BRCC3: variants seen among roughly 807,000 people sequenced by gnomAD.
BRCC3 encodes BRCA1/BRCA2-containing complex subunit 3.
In BRCC3, 15 loss-of-function variants were observed where a neutral mutation model predicts 28.0. The ratio of observed to expected loss-of-function variants is 0.54; its 90% CI spans 0.36 to 0.82. BRCC3 has a LOEUF of 0.82. Ranked by LOEUF, BRCC3 falls within the 40% of genes least tolerant of loss-of-function variation. The pLI is 0.01. For missense variants in BRCC3, 109 were observed against 225.9 expected (o/e 0.48, Z 3.32); for synonymous variants, 66 against 80.3 (o/e 0.82, Z 0.95).
chrX:155,103,657 A>G (rs1488689383), intron 7 of BRCC3, among the ~76,000 whole-genome samples: 2 of 111,263 alleles, frequency 1.8e-5, no homozygotes, highest in African/African-American at 3.3e-5. Flanking sequence ...GGTTTCATTG[A>G]GCTGCTTGGA....
At chrX:155,108,839 T>C (rs1162284471) in intron 7 of BRCC3, among the ~76,000 whole-genome samples, 1 of 112,084 alleles carries the variant, frequency 8.9e-6, no homozygotes, top group Non-Finnish European at 1.9e-5. Flanking sequence ...AATGGTATCA[T>C]TTGATGAGCC....
chrX:155,087,052 A>G (rs782405618), intron 5 of BRCC3, among the ~76,000 whole-genome samples: 47 of 111,589 alleles, frequency 4.2e-4, no homozygotes, highest in Non-Finnish European at 7.2e-4. Context: ...GTGGATGCTG[A>G]GGGGCAAGGG....
At chrX:155,107,607 C>T (rs2074293530) in intron 7 of BRCC3, among the ~76,000 whole-genome samples, 1 of 111,448 alleles carries the variant, frequency 9.0e-6, no homozygotes, top group Non-Finnish European at 1.9e-5. Flanking sequence ...TAATTCTCAA[C>T]CCCCAATACC....
intron 7 of BRCC3, among the ~76,000 whole-genome samples, chrX:155,103,710 T>C (rs1339233327): frequency 1.8e-5 from 2 of 111,730 alleles, no homozygotes; most frequent in African/African-American, 6.5e-5. Context: ...TTACAAAAAC[T>C]TCAGACATTA....
At position 155,100,832 on chromosome X, in the gene BRCC3, G is replaced by A. The variant is rs1361166358; in HGVS notation, c.548+9993G>A. 7.2e-5 allele frequency among the ~76,000 whole-genome samples: 8 copies of A among 111,705 alleles called. No individual in the cohort carries two copies. The Admixed American group carries it at 7.6e-4, about 11-fold the overall frequency. ...GATCAAAAATATTTGGAAAAAAACT[G>A]CATACAGGGTGAACATGTACAGACT... On this transcript the variant is annotated intron_variant, in intron 7 of 10. Coordinates refer to ENST00000330045, the MANE Select transcript of BRCC3 (RefSeq NM_001018055.3).
At chrX:155,111,995 A>G (rs782392900) in intron 7 of BRCC3, among the ~76,000 whole-genome samples, 1 of 111,961 alleles carries the variant, frequency 8.9e-6, no homozygotes, top group South Asian at 3.7e-4. Context: ...TAAATTAGGC[A>G]CAGTATGAGA....
intron 5 of BRCC3, among the ~76,000 whole-genome samples, chrX:155,085,664 ATGGT>A (rs1395411138): frequency 8.9e-6 from 1 of 112,464 alleles, no homozygotes; most frequent in Non-Finnish European, 1.9e-5. Context: ...TGAAACATAC[ATGGT>A]TTCCTGTTGC....
In BRCC3 at chrX:155,116,398, A is replaced by G. The variant is rs782076875; in HGVS notation, c.680+210A>G. Among the ~76,000 whole-genome samples the G allele has an allele frequency of 7.1e-5, 8 of 112,010 alleles. No homozygotes were observed. In the East Asian group the frequency reaches 2.2e-3, roughly 31 times the overall value. On this transcript the variant is annotated intron_variant, in intron 8 of 10. Transcript: ENST00000330045. Reference sequence around the variant, plus strand: ...TTTCTCCTGCTACTTTGGATCTTTCAAGGGCAAGGATGCTTTCTTTTTTGG... The same window carrying G: ...TTTCTCCTGCTACTTTGGATCTTTCGAGGGCAAGGATGCTTTCTTTTTTGG...
At chrX:155,106,006 CAT>C (rs2074281974) in intron 7 of BRCC3, among the ~76,000 whole-genome samples, 1 of 112,406 alleles carries the variant, frequency 8.9e-6, no homozygotes, top group African/African-American at 3.2e-5. Flanking sequence ...ACTATTCTTA[CAT>C]GTTTGGTTTT....
At chrX:155,081,355 G>A (rs2074084344) in intron 5 of BRCC3, among the ~76,000 whole-genome samples, 1 of 106,270 alleles carries the variant, frequency 9.4e-6, no homozygotes, top group Admixed American at 1.0e-4. Flanking sequence ...AAAAAGTACA[G>A]TAATGAAACT....
intron 1 of BRCC3, among the ~76,000 whole-genome samples, chrX:155,071,993 T>TA (rs1395445519): frequency 8.9e-6 from 1 of 111,959 alleles, no homozygotes; most frequent in Non-Finnish European, 1.9e-5. Context: ...GTCCGGGTAT[T>TA]ACGACGCAGC....
rs1454480583 is a variant in BRCC3 at position 155,121,216 on chromosome X, C to T, written c.*19-7C>T. 9.0e-6 allele frequency: 1 copy of T among 111,539 alleles called. No homozygotes were observed. The highest frequency in any genetic ancestry group is 3.3e-5 in the African/African-American group (1 of 30,659). The allele number at this position is 111,539 out of a possible 1,213,427, so 9.2% of individuals were successfully genotyped here. On this transcript the variant is annotated splice_region_variant and splice_polypyrimidine_tract_variant and intron_variant, in intron 10 of 10. Coordinates refer to ENST00000330045, the MANE Select transcript of BRCC3 (RefSeq NM_001018055.3). ...TGTTCTTCTCTATTCTTTTTCTTTC[C>T]CTATAGGAAAGATGAAAATATCCAG...
intron 7 of BRCC3, among the ~76,000 whole-genome samples, chrX:155,111,521 A>C (rs1265661950): frequency 1.8e-5 from 2 of 112,211 alleles, no homozygotes; most frequent in African/African-American, 3.2e-5. Context: ...AATAAGAGGC[A>C]ATTCAACAAA....
intron 7 of BRCC3, among the ~76,000 whole-genome samples, chrX:155,108,529 A>G (rs1459252743): frequency 8.9e-6 from 1 of 112,390 alleles, no homozygotes; most frequent in Non-Finnish European, 1.9e-5. Context: ...AGGTTTTCAC[A>G]GCTTAACAGC....
chrX:155,091,060 T>C (rs2074171135), intron 7 of BRCC3, among the ~76,000 whole-genome samples: 1 of 111,862 alleles, frequency 8.9e-6, no homozygotes, highest in Non-Finnish European at 1.9e-5. Flanking sequence ...TTCACTGTAA[T>C]TACATCACCA....
intron 7 of BRCC3, among the ~76,000 whole-genome samples, chrX:155,096,831 A>C (rs782334666): frequency 8.9e-6 from 1 of 112,210 alleles, no homozygotes; most frequent in South Asian, 3.7e-4. Flanking sequence ...ATAGGACAAT[A>C]GAGAGCCCAG....
chrX:155,074,027 CAGG>C (rs1368383396), intron 3 of BRCC3, among the ~76,000 whole-genome samples: 3 of 111,793 alleles, frequency 2.7e-5, no homozygotes, highest in Non-Finnish European at 5.6e-5. Flanking sequence ...ACCAAGTTAT[CAGG>C]CCACACCTTC....
At chrX:155,076,503 G>C (rs188812797) in intron 3 of BRCC3, among the ~76,000 whole-genome samples, 1 of 111,771 alleles carries the variant, frequency 8.9e-6, no homozygotes. Flanking sequence ...GGAAACTTAT[G>C]ATCATGGTGG....
intron 7 of BRCC3, among the ~76,000 whole-genome samples, chrX:155,105,202 G>C (rs2074270933): frequency 1.8e-5 from 2 of 112,278 alleles, no homozygotes; most frequent in Admixed American, 9.4e-5. Flanking sequence ...GTTTGTGTTA[G>C]GTGGGCACAG....
Sources: gnomAD v4.1 joint callset for allele counts (sites outside exome capture counted in the v4.1 genomes callset) on GRCh38, gnomAD v4.1.1 for gene constraint, MANE v1.5 for transcripts, NCBI Gene and HGNC (gene_info 2026-07-23, HGNC 2026-07-21) for gene names.